CD247: variants seen among roughly 807,000 people sequenced by gnomAD.
CD247 encodes CD247 molecule, also known as T-cell surface glycoprotein CD3 zeta chain.
A neutral mutation model predicts 30.0 loss-of-function variants in CD247; 13 were observed. The observed-to-expected ratio is 0.43, with a 90% CI of 0.28 to 0.69. CD247 has a LOEUF of 0.69. Among genes scored for constraint, CD247 ranks in the 30% least tolerant of loss-of-function variants. The pLI, the probability that CD247 is intolerant of heterozygous loss-of-function variation, is 0.16. For missense variants in CD247, 193 were observed against 212.6 expected (o/e 0.91, Z 0.57); for synonymous variants, 72 against 80.0 (o/e 0.90, Z 0.53).
chr1:167,510,989 T>C (rs1197610955), intron 1 of CD247, among the ~76,000 whole-genome samples: 1 of 152,218 alleles, frequency 6.6e-6, no homozygotes, highest in East Asian at 1.9e-4. Flanking sequence ...CATGCATTTG[T>C]TCTGAGCACC....
intron 1 of CD247, among the ~76,000 whole-genome samples, chr1:167,468,168 TA>T (rs879305926): frequency 1.9e-4 from 28 of 147,798 alleles, no homozygotes; most frequent in African/African-American, 5.2e-4. Context: ...AGATTTCCAG[TA>T]AAAAAAAAAT....
chr1:167,474,292 C>T (rs959652241), intron 1 of CD247, among the ~76,000 whole-genome samples: 31 of 152,120 alleles, frequency 2.0e-4, no homozygotes, highest in Non-Finnish European at 4.0e-4. Flanking sequence ...TCCTTAATCT[C>T]CTTTCCCTTC....
chr1:167,484,762 C>T (rs1654133874), intron 1 of CD247, among the ~76,000 whole-genome samples: 3 of 152,168 alleles, frequency 2.0e-5, no homozygotes, highest in South Asian at 4.1e-4. Flanking sequence ...GGCGACAGAG[C>T]GAGACTCTGT....
chr1:167,463,510 G>T (rs1653115128), intron 1 of CD247, among the ~76,000 whole-genome samples: 1 of 152,212 alleles, frequency 6.6e-6, no homozygotes, highest in Admixed American at 6.5e-5. Flanking sequence ...AAAAATAAAA[G>T]ATGGTTTCAT....
intron 1 of CD247, among the ~76,000 whole-genome samples, chr1:167,518,179 G>A (rs1655697881): frequency 6.6e-6 from 1 of 152,094 alleles, no homozygotes; most frequent in South Asian, 2.1e-4. Flanking sequence ...GTACCTGGAG[G>A]AGCTGTGTAT....
At chr1:167,455,448 G>T (rs1054323174) in intron 1 of CD247, among the ~76,000 whole-genome samples, 1 of 152,222 alleles carries the variant, frequency 6.6e-6, no homozygotes, top group Non-Finnish European at 1.5e-5. Flanking sequence ...GAGGAGGCTG[G>T]GCCTGGGAAG....
At chr1:167,440,509 C>A (rs1252938281) in intron 2 of CD247, 155 bp downstream of exon 2, 3 of 679,838 alleles carry the variant, frequency 4.4e-6, no homozygotes, top group African/African-American at 1.8e-5. Context: ...CTCCTCAGCC[C>A]ACTCAAGGCA....
chr1:167,439,750 C>T (rs1006540178), intron 2 of CD247: 2 of 326,404 alleles, frequency 6.1e-6, no homozygotes, highest in South Asian at 3.2e-5. Flanking sequence ...TCCCTTCCTC[C>T]GGGGACTCTG....
intron 1 of CD247, among the ~76,000 whole-genome samples, chr1:167,477,515 G>GT (rs375701446): frequency 6.6e-6 from 1 of 152,122 alleles, no homozygotes. Context: ...GCTGTGAAGT[G>GT]TTTTTTGTTT....
At chr1:167,481,105 G>A (rs773013744) in intron 1 of CD247, among the ~76,000 whole-genome samples, 97 of 152,066 alleles carry the variant, frequency 6.4e-4, no homozygotes, top group Non-Finnish European at 9.7e-4. Context: ...TGGGCAACAT[G>A]GTGAAACCCC....
chr1:167,510,448 G>GGGGCTT (rs1655339586), intron 1 of CD247, among the ~76,000 whole-genome samples: 1 of 152,196 alleles, frequency 6.6e-6, no homozygotes, highest in Non-Finnish European at 1.5e-5. Context: ...TGCAACCCCT[G>GGGGCTT]GGGCTTGGGC....
rs183305390 is a variant in CD247 at position 167,473,858 on chromosome 1, G to T, written c.59-33091C>A. ...TGGTCACCAGCCTCCTTGTCACACTGACTCACGGATCTGCTAGCTCTGGCC... is the reference window on the plus strand; with the variant it reads ...TGGTCACCAGCCTCCTTGTCACACTTACTCACGGATCTGCTAGCTCTGGCC... On this transcript the variant is annotated intron_variant, in intron 1 of 7. Transcript: ENST00000362089. Among the ~76,000 whole-genome samples the T allele has an allele frequency of 2.6e-5, 4 of 152,304 alleles. No individual in the cohort carries two copies. In the East Asian group the frequency reaches 7.7e-4, roughly 29 times the overall value.
intron 5 of CD247, chr1:167,434,804 GTGC>G: frequency 2.2e-6 from 1 of 456,418 alleles, no homozygotes; most frequent in South Asian, 1.6e-5. Context: ...CTAGAAGCAG[GTGC>G]TGCTGCAGGC....
chr1:167,438,545 C>G (rs34462716), intron 4 of CD247, 25 bp downstream of exon 4: 1 of 1,592,918 alleles, frequency 6.3e-7, no homozygotes, highest in Non-Finnish European at 8.6e-7. Flanking sequence ...TGCAGGAACA[C>G]ACAGGAAGGT....
chr1:167,506,467 C>T (rs1265133257), intron 1 of CD247, among the ~76,000 whole-genome samples: 1 of 151,870 alleles, frequency 6.6e-6, no homozygotes, highest in African/African-American at 2.4e-5. Flanking sequence ...CCCACCTCAA[C>T]CTCCCAAATA....
chr1:167,440,383 G>A (rs908490294), intron 2 of CD247: 3 of 493,818 alleles, frequency 6.1e-6, no homozygotes, highest in African/African-American at 3.9e-5. Context: ...GTCACCAGTA[G>A]CATCGCCTTC....
In CD247 at chr1:167,430,944, G is replaced by T; in HGVS notation, c.*737C>A. The stretch of plus-strand genomic sequence containing the variant: ...TGCTCCGCAGCACTTTATTCACACT[G>T]TGTAACCACATGTTTTTTATGCCAC... On this transcript the variant is annotated 3_prime_UTR_variant, in exon 8 of 8. Transcript: ENST00000362089. 2.5e-6 allele frequency: 1 copy of T among 397,538 alleles called. No individual in the cohort carries two copies. Among genetic ancestry groups the T allele is most frequent in the East Asian group, 3.6e-5 (1 of 27,844 alleles). The allele number at this position is 397,538 out of a possible 1,614,324, so 24.6% of individuals were successfully genotyped here.
chr1:167,485,323 G>A (rs1337688538), intron 1 of CD247, among the ~76,000 whole-genome samples: 3 of 152,210 alleles, frequency 2.0e-5, no homozygotes. Flanking sequence ...CTGTGGCCTG[G>A]CGCTGCGTCT....
intron 1 of CD247, among the ~76,000 whole-genome samples, chr1:167,474,662 A>C (rs1315458053): frequency 2.0e-5 from 3 of 147,272 alleles, no homozygotes; most frequent in Admixed American, 6.8e-5. Context: ...TTCAAAAAGT[A>C]TTTGGGAGCC....
Sources: allele counts gnomAD v4.1 joint callset (sites outside exome capture counted in the v4.1 genomes callset), GRCh38; gene constraint gnomAD v4.1.1; transcripts MANE v1.5; gene names NCBI Gene and HGNC (gene_info 2026-07-23, HGNC 2026-07-21).